Variants in NSMCE2 observed in about 807,000 individuals in gnomAD.
NSMCE2 encodes the protein NSE2 SUMO ligase component of SMC5/6 complex, also known as E3 SUMO-protein ligase NSE2.
Under a neutral mutation model 23.8 loss-of-function variants are expected in NSMCE2, and 24 were observed. The observed-to-expected ratio is 1.01, with a 90% CI of 0.73 to 1.42. The LOEUF is 1.42. NSMCE2 is among the 40% of genes most tolerant of loss of function. The probability of loss-of-function intolerance (pLI) is 0.00; values close to 1 mark genes in which losing one functional copy is unlikely to be tolerated. For missense variants in NSMCE2, 284 were observed against 296.5 expected (o/e 0.96, Z 0.31); for synonymous variants, 92 against 94.1 (o/e 0.98, Z 0.13).
intron 5 of NSMCE2, among the ~76,000 whole-genome samples, chr8:125,327,786 A>G (rs1040248913): frequency 6.6e-6 from 1 of 152,070 alleles, no homozygotes; most frequent in Non-Finnish European, 1.5e-5. Flanking sequence ...TATGTATACA[A>G]TTGTTTTAGG....
intron 5 of NSMCE2, among the ~76,000 whole-genome samples, chr8:125,320,501 A>C (rs1829410090): frequency 6.6e-6 from 1 of 152,194 alleles, no homozygotes; most frequent in South Asian, 2.1e-4. Context: ...GGGAAAAGAA[A>C]CATTATGTAT....
In NSMCE2 at chr8:125,272,922, G is replaced by GAACT. The variant is rs201338493; in HGVS notation, c.419-84296_419-84293dup. 5.3e-3 allele frequency among the ~76,000 whole-genome samples: 688 copies of GAACT among 129,484 alleles called. 46 individuals carry two copies. Among genetic ancestry groups the GAACT allele is most frequent in the Admixed American group, 0.047 (656 of 13,824 alleles). The allele number at this position is 129,484 out of a possible 152,430, so 84.9% of individuals were successfully genotyped here. On this transcript the variant is annotated intron_variant, in intron 5 of 7. Coordinates refer to ENST00000287437, the MANE Select transcript of NSMCE2 (RefSeq NM_173685.4). ...AAGGCTGTGTAATACGGTGGAAAGA[G>GAACT]AACTGACTTGGGAGCTAGGCCAGGG...
At chr8:125,333,353 T>G (rs1461720634) in intron 5 of NSMCE2, among the ~76,000 whole-genome samples, 1 of 151,220 alleles carries the variant, frequency 6.6e-6, no homozygotes, top group Non-Finnish European at 1.5e-5. Context: ...ATTTTTTATT[T>G]TAGAGACAGG....
chr8:125,280,554 C>A (rs1422414468), intron 5 of NSMCE2, among the ~76,000 whole-genome samples: 1 of 152,190 alleles, frequency 6.6e-6, no homozygotes, highest in African/African-American at 2.4e-5. Context: ...AGAAAAACTA[C>A]ATATTCACTA....
At chr8:125,222,299 G>A (rs1824899664) in intron 5 of NSMCE2, among the ~76,000 whole-genome samples, 1 of 152,110 alleles carries the variant, frequency 6.6e-6, no homozygotes, top group Admixed American at 6.6e-5. Context: ...TTTGATATAT[G>A]TATACCTTGC....
At chr8:125,172,002 T>C (rs767656938) in intron 4 of NSMCE2, among the ~76,000 whole-genome samples, 1 of 152,250 alleles carries the variant, frequency 6.6e-6, no homozygotes, top group Non-Finnish European at 1.5e-5. Context: ...TGTTGGCTAC[T>C]GTATTTTAAA....
At chr8:125,291,975 C>T (rs1397761758) in intron 5 of NSMCE2, among the ~76,000 whole-genome samples, 1 of 151,990 alleles carries the variant, frequency 6.6e-6, no homozygotes, top group Non-Finnish European at 1.5e-5. Context: ...TGGTTCTGTC[C>T]TCCCGCACTC....
intron 5 of NSMCE2, among the ~76,000 whole-genome samples, chr8:125,320,296 GGAA>G (rs1205733355): frequency 8.4e-6 from 1 of 119,414 alleles, no homozygotes; most frequent in African/African-American, 3.0e-5. Context: ...AAGGAAGGAA[GGAA>G]GGAAGGAAGG....
chr8:125,206,755 G>A lies in NSMCE2; in HGVS notation c.418+24499G>A, dbSNP rs543833674. Among the ~76,000 whole-genome samples, 21 of 152,270 alleles carry A rather than the reference G, an allele frequency of 1.4e-4. No individual in the cohort carries two copies. In the South Asian group the frequency reaches 4.3e-3, roughly 32 times the overall value. The stretch of plus-strand genomic sequence containing the variant: ...ACTGAATTTAAGGTGCTGGATTTTG[G>A]TATAAATCTTCAACAAGTGGTTGGC... On this transcript the variant is annotated intron_variant, in intron 5 of 7. Transcript: ENST00000287437.
At chr8:125,133,033 T>C (rs181981742) in intron 3 of NSMCE2, among the ~76,000 whole-genome samples, 6 of 152,306 alleles carry the variant, frequency 3.9e-5, no homozygotes, top group South Asian at 2.1e-4. Context: ...GTTGCAGATA[T>C]CCTGATTCAA....
intron 5 of NSMCE2, among the ~76,000 whole-genome samples, chr8:125,291,932 A>G (rs1317919394): frequency 6.6e-6 from 1 of 152,126 alleles, no homozygotes; most frequent in African/African-American, 2.4e-5. Context: ...TGTTCCATAA[A>G]TTTATTCAGG....
intron 7 of NSMCE2, among the ~76,000 whole-genome samples, chr8:125,359,333 T>TCTC (rs1344026763): frequency 6.9e-6 from 1 of 145,816 alleles, no homozygotes; most frequent in Non-Finnish European, 1.5e-5. Flanking sequence ...TCTTTCTCTT[T>TCTC]TTTTTTTTTT....
intron 1 of NSMCE2, among the ~76,000 whole-genome samples, chr8:125,099,323 G>C (rs929429474): frequency 1.3e-5 from 2 of 152,096 alleles, no homozygotes; most frequent in African/African-American, 4.8e-5. Flanking sequence ...TTACTGATGA[G>C]GTGATACTCA....
At chr8:125,290,617 C>T (rs1309667002) in intron 5 of NSMCE2, among the ~76,000 whole-genome samples, 9 of 152,194 alleles carry the variant, frequency 5.9e-5, no homozygotes, top group Non-Finnish European at 1.0e-4. Flanking sequence ...CAATTCCAGT[C>T]TCACAGAAAA....
At chr8:125,240,419 G>A (rs959045038) in intron 5 of NSMCE2, among the ~76,000 whole-genome samples, 3 of 152,084 alleles carry the variant, frequency 2.0e-5, no homozygotes, top group Non-Finnish European at 4.4e-5. Context: ...CACCACGCCT[G>A]GCTTACAGCT....
intron 3 of NSMCE2, among the ~76,000 whole-genome samples, chr8:125,138,407 G>A (rs1820179886): frequency 6.6e-6 from 1 of 151,556 alleles, no homozygotes; most frequent in South Asian, 2.1e-4. Context: ...TTTATTTTTA[G>A]TAGAGGTGGG....
intron 5 of NSMCE2, among the ~76,000 whole-genome samples, chr8:125,285,117 T>G (rs1266493669): frequency 6.6e-6 from 1 of 152,208 alleles, no homozygotes; most frequent in Non-Finnish European, 1.5e-5. Flanking sequence ...AAGGAGCTTA[T>G]CATTAAAATA....
chr8:125,216,426 G>A (rs1824586422), intron 5 of NSMCE2, among the ~76,000 whole-genome samples: 1 of 152,174 alleles, frequency 6.6e-6, no homozygotes, highest in African/African-American at 2.4e-5. Context: ...GATTACCTGA[G>A]GTCAGGAGTT....
intron 7 of NSMCE2, among the ~76,000 whole-genome samples, chr8:125,360,726 G>A (rs768477007): frequency 2.0e-5 from 3 of 152,226 alleles, no homozygotes; most frequent in Admixed American, 6.5e-5. Context: ...GCATGAAGTC[G>A]TATCATTTCC....
Sources: gnomAD v4.1 joint callset for allele counts (sites outside exome capture counted in the v4.1 genomes callset) on GRCh38, gnomAD v4.1.1 for gene constraint, MANE v1.5 for transcripts, NCBI Gene and HGNC (gene_info 2026-07-23, HGNC 2026-07-21) for gene names.